Variants in C2CD2 observed in about 807,000 individuals in gnomAD.
C2CD2 encodes the protein C2 calcium dependent domain containing 2.
In C2CD2, 43 loss-of-function variants were observed where a neutral mutation model predicts 74.3. The observed-to-expected ratio is 0.58, with a 90% CI of 0.45 to 0.75. The LOEUF is 0.75. Among genes scored for constraint, C2CD2 ranks in the 30% least tolerant of loss-of-function variants. C2CD2 has a pLI of 0.00. For synonymous variants in C2CD2, 422 were observed against 390.7 expected, an observed-to-expected ratio of 1.08 and a Z score of -0.94; for missense variants, 801 against 916.3, an observed-to-expected ratio of 0.87 and a Z score of 1.63.
chr21:41,925,365 T>G (rs1020410832), intron 2 of C2CD2, among the ~76,000 whole-genome samples: 1 of 151,360 alleles, frequency 6.6e-6, no homozygotes, highest in Non-Finnish European at 1.5e-5. Context: ...GCACCTGTAG[T>G]CCCAGCTACT....
chr21:41,889,454 C>T (rs2064722785), intron 13 of C2CD2, 110 bp from the exon 14 acceptor site: 3 of 712,444 alleles, frequency 4.2e-6, no homozygotes, highest in African/African-American at 1.8e-5. Flanking sequence ...TAACGAAGGG[C>T]CAGTTTACTA....
At position 41,905,813 on chromosome 21, in the gene C2CD2, T is replaced by A. The variant is rs779625283; in HGVS notation, c.1343A>T (p.Lys448Met). ...GATGTCCTTCTCGATCACCTTCACC[T>A]TGATGGGAGTCTTCACCGGAGAATC... is the stretch of plus-strand genomic sequence containing the variant. ...SSDSPVKTPIKVKVIEKDISV... is the reference protein window; with the variant it reads ...SSDSPVKTPIMVKVIEKDISV... The change falls in exon 11 of 14, where the codon AAG becomes ATG. Residue 448 changes from lysine (K) to methionine (M), a missense_variant. Lys to Met is a moderately conservative substitution (Grantham distance 95, BLOSUM62 -1). Coordinates refer to ENST00000380486, the MANE Select transcript of C2CD2 (RefSeq NM_015500.2). 1 of 1,603,632 alleles carries A rather than the reference T, an allele frequency of 6.2e-7. No homozygotes were observed.
At chr21:41,927,443 C>A (rs2065223323) in intron 2 of C2CD2, among the ~76,000 whole-genome samples, 1 of 151,844 alleles carries the variant, frequency 6.6e-6, no homozygotes, top group African/African-American at 2.4e-5. Context: ...CAGGCGGGAA[C>A]CACCGCACCG....
At chr21:41,944,885 A>T (rs1173168288) in intron 1 of C2CD2, among the ~76,000 whole-genome samples, 3 of 152,238 alleles carry the variant, frequency 2.0e-5, no homozygotes, top group Non-Finnish European at 1.5e-5. Context: ...AGACTATAGA[A>T]ACCCCGTAAT....
At chr21:41,889,709 C>T (rs2064727472) in intron 13 of C2CD2, among the ~76,000 whole-genome samples, 1 of 151,764 alleles carries the variant, frequency 6.6e-6, no homozygotes, top group African/African-American at 2.4e-5. Flanking sequence ...TCTTGGCTCA[C>T]TGCAACCTCC....
intron 13 of C2CD2, 90 bp from the exon 14 acceptor site, chr21:41,889,434 C>T (rs1462252541): frequency 5.9e-6 from 5 of 853,148 alleles, no homozygotes; most frequent in Admixed American, 2.0e-5. Context: ...AAAGGAGGCT[C>T]GAATGCCTCT....
In C2CD2 at chr21:41,888,862, A is replaced by C. The variant is rs184522600; in HGVS notation, c.*262T>G. 6.2e-4 allele frequency: 346 copies of C among 554,026 alleles called. No homozygotes were observed. Among genetic ancestry groups the C allele is most frequent in the Admixed American group, 1.6e-3 (53 of 32,460 alleles). The allele number at this position is 554,026 out of a possible 1,614,324, so 34.3% of individuals were successfully genotyped here. A position where few individuals can be genotyped will look rare whatever the true frequency, so the allele number is the denominator to read the frequency against. On this transcript the variant is annotated 3_prime_UTR_variant, in exon 14 of 14. Coordinates refer to ENST00000380486, the MANE Select transcript of C2CD2 (RefSeq NM_015500.2). ...CTTCTAATATTGAACCCTAACCCTT[A>C]GCTATGAGCACAGCCCAAGCTCTGC...
At chr21:41,900,733 C>T (rs1003335078) in intron 12 of C2CD2, among the ~76,000 whole-genome samples, 42 of 151,826 alleles carry the variant, frequency 2.8e-4, no homozygotes, top group Admixed American at 2.6e-4. Context: ...CAGAATTCTT[C>T]CTCATCCCCC....
chr21:41,946,876 T>C (rs75517923), intron 1 of C2CD2, among the ~76,000 whole-genome samples: 2,515 of 152,036 alleles, frequency 0.017, 71 homozygotes, highest in African/African-American at 0.058. Context: ...AGCAAAATAA[T>C]GATCAACAGT....
At chr21:41,891,302 A>G (rs886273997) in intron 13 of C2CD2, among the ~76,000 whole-genome samples, 1 of 152,330 alleles carries the variant, frequency 6.6e-6, no homozygotes, top group East Asian at 1.9e-4. Context: ...CATCAGTGTC[A>G]GTTCCTGGAG....
intron 3 of C2CD2, among the ~76,000 whole-genome samples, chr21:41,921,654 T>C (rs1011029799): frequency 6.6e-6 from 1 of 152,148 alleles, no homozygotes; most frequent in African/African-American, 2.4e-5. Flanking sequence ...CAGAACTACT[T>C]TTCTCCTCTC....
chr21:41,901,907 C>A (rs1396084757), intron 11 of C2CD2, among the ~76,000 whole-genome samples, 158 bp from the exon 12 acceptor site: 1 of 152,190 alleles, frequency 6.6e-6, no homozygotes, highest in Non-Finnish European at 1.5e-5. Flanking sequence ...GTGGTCTCTG[C>A]AACAACTTCT....
At chr21:41,944,152 T>C (rs978290175) in intron 1 of C2CD2, among the ~76,000 whole-genome samples, 2 of 152,224 alleles carry the variant, frequency 1.3e-5, no homozygotes, top group Non-Finnish European at 2.9e-5. Context: ...TGCAGACTCA[T>C]GCTCCCCTGA....
intron 5 of C2CD2, among the ~76,000 whole-genome samples, chr21:41,916,855 T>G (rs2065097784): frequency 6.6e-6 from 1 of 152,250 alleles, no homozygotes; most frequent in Non-Finnish European, 1.5e-5. Context: ...TCCAAAAATA[T>G]ACGACTGTTT....
intron 1 of C2CD2, among the ~76,000 whole-genome samples, chr21:41,944,200 C>T (rs947700910): frequency 9.2e-5 from 14 of 152,230 alleles, no homozygotes; most frequent in Admixed American, 2.6e-4. Context: ...CCCTTGCTAC[C>T]TTCTGAATTC....
At position 41,899,096 on chromosome 21, in the gene C2CD2, G is replaced by A; in HGVS notation, c.1827C>T (p.Ser609=). ...LDPDGDELSE[S]SMSVLEPGTA... ...TGCCCGGCTCCAAGACACTCATGGAGCTCTCTGACAGCTCATCACCGTCGG... is the reference window on the plus strand; with the variant it reads ...TGCCCGGCTCCAAGACACTCATGGAACTCTCTGACAGCTCATCACCGTCGG... Residue 609 remains serine, a synonymous_variant, in exon 13 of 14, where the codon AGC becomes AGT. Transcript: ENST00000380486. This position sits in a 1 kb window ranked among gnomAD's most constrained non-coding sequence, Gnocchi z 4.4. 1 of 1,614,000 alleles carries A rather than the reference G, an allele frequency of 6.2e-7. No homozygotes were observed.
intron 2 of C2CD2, among the ~76,000 whole-genome samples, chr21:41,934,540 C>T (rs1298093531): frequency 6.6e-6 from 1 of 152,222 alleles, no homozygotes; most frequent in Admixed American, 6.5e-5. Flanking sequence ...CAATATGTAT[C>T]AACATCCTTC....
At position 41,907,797 on chromosome 21, in the gene C2CD2, G is replaced by C. The variant is rs1220549060; in HGVS notation, c.1019-13C>G. 6.2e-7 allele frequency: 1 copy of C among 1,613,950 alleles called. No individual in the cohort carries two copies. The highest frequency in any genetic ancestry group is 1.7e-5 in the Admixed American group (1 of 60,034). On this transcript the variant is annotated splice_polypyrimidine_tract_variant and intron_variant, in intron 8 of 13. Transcript: ENST00000380486. ...GTCGCCAGCAGACCTGAAAAGATAG[G>C]AGACAGGCAAGGGGTGCCGCTGATG... is the stretch of plus-strand genomic sequence containing the variant.
At position 41,885,342 on chromosome 21, in the gene C2CD2, C is replaced by A. The variant is rs1351449649; in HGVS notation, c.*3782G>T. On this transcript the variant is annotated 3_prime_UTR_variant, in exon 14 of 14. Coordinates refer to ENST00000380486, the MANE Select transcript of C2CD2 (RefSeq NM_015500.2). ...AACCTGCCACTTTCTTCTCTTTTTA[C>A]AATGCAGTTTCGACATAACATTGGT... 6.6e-6 allele frequency: 1 copy of A among 152,558 alleles called. No individual in the cohort carries two copies. Among genetic ancestry groups the A allele is most frequent in the African/African-American group, 2.4e-5 (1 of 41,462 alleles). The allele number at this position is 152,558 out of a possible 1,614,324, so 9.5% of individuals were successfully genotyped here. A position where few individuals can be genotyped will look rare whatever the true frequency, so the allele number is the denominator to read the frequency against.
Sources: allele counts gnomAD v4.1 joint callset (sites outside exome capture counted in the v4.1 genomes callset), GRCh38; gene constraint gnomAD v4.1.1; non-coding constraint Gnocchi (gnomAD v3.1); transcripts MANE v1.5; gene names NCBI Gene and HGNC (gene_info 2026-07-23, HGNC 2026-07-21).